Variants in PCSK2 observed in about 807,000 individuals in gnomAD.
The protein encoded by PCSK2 is proprotein convertase subtilisin/kexin type 2.
A neutral mutation model predicts 69.7 loss-of-function variants in PCSK2; 14 were observed. The ratio of observed to expected loss-of-function variants is 0.20; its 90% CI spans 0.13 to 0.31. The LOEUF (loss-of-function observed/expected upper bound fraction) is 0.31. Among genes scored for constraint, PCSK2 ranks in the 10% least tolerant of loss-of-function variants. The pLI is 1.00. For synonymous variants in PCSK2, 307 were observed against 320.7 expected, an observed-to-expected ratio of 0.96 and a Z score of 0.46; for missense variants, 544 against 842.5, an observed-to-expected ratio of 0.65 and a Z score of 4.39.
chr20:17,301,080 A>G (rs1989064270), intron 2 of PCSK2, among the ~76,000 whole-genome samples: 1 of 152,244 alleles, frequency 6.6e-6, no homozygotes, highest in African/African-American at 2.4e-5. Context: ...TCGTTGTTAA[A>G]AAGCCTTCTA....
At chr20:17,409,538 CTGTTT>C (rs929366296) in intron 6 of PCSK2, among the ~76,000 whole-genome samples, 199 bp downstream of exon 6, 1 of 152,150 alleles carries the variant, frequency 6.6e-6, no homozygotes, top group Admixed American at 6.5e-5. Context: ...AATCTTTTGA[CTGTTT>C]TGTTCTGCTA....
At chr20:17,298,033 T>G (rs1356532256) in intron 2 of PCSK2, among the ~76,000 whole-genome samples, 2 of 152,232 alleles carry the variant, frequency 1.3e-5, no homozygotes, top group Non-Finnish European at 2.9e-5. Flanking sequence ...TATATTTTTA[T>G]TGCTCTTTTC....
rs1340710873 is a variant in PCSK2 at position 17,482,043 on chromosome 20, C to T, written c.1890C>T (p.Ser630=). The T allele has an allele frequency of 1.9e-6, 3 of 1,599,140 alleles. No individual in the cohort carries two copies. The highest frequency in any genetic ancestry group is 4.5e-5 in the East Asian group (2 of 44,728). The change falls in exon 12 of 12, where the codon AGC becomes AGT. Residue 630 remains serine, a synonymous_variant. Transcript: ENST00000262545. The stretch of plus-strand genomic sequence containing the variant: ...AGCTGGACGAAGCCGTGGAGAGAAG[C>T]CTGAAAAGCATCCTTAACAAGAACT... The part of the protein sequence containing the change: ...EEELDEAVER[S]LKSILNKN
intron 5 of PCSK2, among the ~76,000 whole-genome samples, chr20:17,369,763 T>C (rs574540088): frequency 3.3e-4 from 51 of 152,316 alleles, no homozygotes; most frequent in African/African-American, 1.2e-3. Flanking sequence ...CTCTACCTGA[T>C]GATATTGAAT....
chr20:17,388,410 T>C (rs1447454875), intron 5 of PCSK2, among the ~76,000 whole-genome samples: 1 of 151,970 alleles, frequency 6.6e-6, no homozygotes, highest in East Asian at 1.9e-4. Context: ...CAAAGAGCTG[T>C]TATGGTTAAA....
At chr20:17,232,050 G>A (rs1166815401) in intron 1 of PCSK2, among the ~76,000 whole-genome samples, 10 of 152,158 alleles carry the variant, frequency 6.6e-5, no homozygotes, top group Non-Finnish European at 1.5e-5. Context: ...TGAACTCAGA[G>A]TCAACTGATT....
chr20:17,399,586 GT>G (rs2031589825), intron 5 of PCSK2, among the ~76,000 whole-genome samples: 1 of 152,178 alleles, frequency 6.6e-6, no homozygotes, highest in Non-Finnish European at 1.5e-5. Flanking sequence ...GTATACGGAG[GT>G]GTTAAAGCCA....
intron 9 of PCSK2, 133 bp downstream of exon 9, chr20:17,454,090 A>T: frequency 7.8e-7 from 1 of 1,281,214 alleles, no homozygotes; most frequent in South Asian, 1.5e-5. Flanking sequence ...TGAAGGGAAG[A>T]CCCCTTTTCT....
rs529791491 is a variant in PCSK2, at chr20:17,406,929, C to T, written c.544-2334C>T. On this transcript the variant is annotated intron_variant, in intron 5 of 11. Coordinates refer to ENST00000262545, the MANE Select transcript of PCSK2 (RefSeq NM_002594.5). ...GAGACGGGGACCTAGTGCTGGTTTT[C>T]ATCATCTGTCCACTCTGGCTTCTGC... is the stretch of plus-strand genomic sequence containing the variant. Among the ~76,000 whole-genome samples, 5 of 152,232 alleles carry T rather than the reference C, an allele frequency of 3.3e-5. No homozygotes were observed. The South Asian group carries it at 1.0e-3, about 32-fold the overall frequency.
At position 17,481,484 on chromosome 20, in the gene PCSK2, C is replaced by T. The variant is rs985645127; in HGVS notation, c.1431-100C>T. On this transcript the variant is annotated intron_variant, in intron 11 of 11. Transcript: ENST00000262545. ...AAACCCAGGTCTGATTGATCAACCCCAAAGCCCTTGCCCTTTCCGCCACCT... is the reference window on the plus strand; with the variant it reads ...AAACCCAGGTCTGATTGATCAACCCTAAAGCCCTTGCCCTTTCCGCCACCT... The T allele has an allele frequency of 9.3e-6, 10 of 1,076,176 alleles. No individual in the cohort carries two copies. In the African/African-American group the frequency reaches 1.4e-4, roughly 15 times the overall value. The allele number at this position is 1,076,176 out of a possible 1,614,324, so 66.7% of individuals were successfully genotyped here.
intron 5 of PCSK2, among the ~76,000 whole-genome samples, chr20:17,388,829 G>A (rs1191902119): frequency 6.6e-6 from 1 of 152,146 alleles, no homozygotes. Context: ...ACATCATGGA[G>A]AGTTAGATGT....
intron 2 of PCSK2, among the ~76,000 whole-genome samples, chr20:17,308,851 A>T (rs1222458691): frequency 2.0e-5 from 3 of 152,088 alleles, no homozygotes. Context: ...CGGCTTGGTG[A>T]CTATGTAGGA....
intron 5 of PCSK2, among the ~76,000 whole-genome samples, chr20:17,395,515 A>G (rs1485607662): frequency 6.6e-6 from 1 of 152,152 alleles, no homozygotes; most frequent in Admixed American, 6.5e-5. Context: ...CATTTTTTGT[A>G]CTCAACCACT....
intron 9 of PCSK2, 78 bp downstream of exon 9, chr20:17,454,035 C>T: frequency 1.3e-6 from 2 of 1,575,318 alleles, no homozygotes. Flanking sequence ...GGGACACTGG[C>T]TTGCTCCCCT....
intron 5 of PCSK2, among the ~76,000 whole-genome samples, chr20:17,389,525 G>T (rs1478579269): frequency 1.3e-5 from 2 of 152,028 alleles, no homozygotes; most frequent in East Asian, 1.9e-4. Context: ...TTCATGGAAA[G>T]GGTGTGAACA....
At chr20:17,430,986 A>G (rs951037508) in intron 7 of PCSK2, among the ~76,000 whole-genome samples, 1 of 151,882 alleles carries the variant, frequency 6.6e-6, no homozygotes, top group East Asian at 1.9e-4. Flanking sequence ...TATTATTTGC[A>G]CTCTGAAAAC....
intron 6 of PCSK2, among the ~76,000 whole-genome samples, chr20:17,410,407 T>A (rs1356882395): frequency 6.6e-6 from 1 of 152,204 alleles, no homozygotes; most frequent in Non-Finnish European, 1.5e-5. Context: ...AAGCTTAGAT[T>A]CTGTCTCTAA....
intron 8 of PCSK2, among the ~76,000 whole-genome samples, chr20:17,437,629 T>C (rs886860055): frequency 2.0e-5 from 3 of 152,120 alleles, no homozygotes; most frequent in Admixed American, 6.5e-5. Context: ...ATAAATGAGA[T>C]AAAGATGCAA....
chr20:17,307,428 G>A (rs1463203296), intron 2 of PCSK2, among the ~76,000 whole-genome samples: 1 of 152,198 alleles, frequency 6.6e-6, no homozygotes, highest in Admixed American at 6.5e-5. Flanking sequence ...TGAGCCATGG[G>A]GAATATGACA....
Sources: gnomAD v4.1 joint callset for allele counts (sites outside exome capture counted in the v4.1 genomes callset) on GRCh38, gnomAD v4.1.1 for gene constraint, MANE v1.5 for transcripts, NCBI Gene and HGNC (gene_info 2026-07-23, HGNC 2026-07-21) for gene names.